COG6: variants seen among roughly 807,000 people sequenced by gnomAD.
COG6 encodes the protein component of oligomeric golgi complex 6, also known as conserved oligomeric Golgi complex subunit 6.
Under a neutral mutation model 88.8 loss-of-function variants are expected in COG6, and 74 were observed. The ratio of observed to expected loss-of-function variants is 0.83; its 90% confidence interval spans 0.69 to 1.01. The LOEUF (loss-of-function observed/expected upper bound fraction) is 1.01. COG6 is among the 50% of genes least tolerant of loss of function. The pLI is 0.00. For synonymous variants in COG6, 286 were observed against 278.7 expected (o/e 1.03, Z -0.26); for missense variants, 800 against 797.9 (o/e 1.00, Z -0.03).
chr13:39,751,580 A>C lies in COG6; in HGVS notation c.*487A>C. 7.8e-7 allele frequency: 1 copy of C among 1,287,214 alleles called. No homozygotes were observed. Among genetic ancestry groups the C allele is most frequent in the Non-Finnish European group, 1.0e-6 (1 of 988,712 alleles). The allele number at this position is 1,287,214 out of a possible 1,614,324, so 79.7% of individuals were successfully genotyped here. A position where few individuals can be genotyped will look rare whatever the true frequency, so the allele number is the denominator to read the frequency against. ...AACCTAGCCTATGTCTCTGTCCCCA[A>C]AATAGCTGCCCTTAAAGAGTTGTTA... On this transcript the variant is annotated 3_prime_UTR_variant, in exon 19 of 19. Transcript: ENST00000455146.
At chr13:39,656,316 A>G in intron 1 of COG6, 5 of 384,038 alleles carry the variant, frequency 1.3e-5, no homozygotes, top group Middle Eastern at 4.5e-4. Flanking sequence ...GAGCAGTGGT[A>G]GGGATAAGGG....
chr13:39,684,243 A>ATTTT lies in COG6; in HGVS notation c.788+2001_788+2004dup, dbSNP rs1203671335. Among the ~76,000 whole-genome samples the ATTTT allele has an allele frequency of 1.1e-3, 73 of 67,378 alleles. 8 individuals carry two copies. The highest frequency in any genetic ancestry group is 2.3e-3 in the African/African-American group (34 of 14,944). The allele number at this position is 67,378 out of a possible 152,430, so 44.2% of individuals were successfully genotyped here. A position where few individuals can be genotyped will look rare whatever the true frequency, so the allele number is the denominator to read the frequency against. On this transcript the variant is annotated intron_variant, in intron 8 of 18. Coordinates refer to ENST00000455146, the MANE Select transcript of COG6 (RefSeq NM_020751.3). Reference sequence around the variant, plus strand: ...GGGGGCAGTAATGGCAATTTGGAAGATTTTTTTTTTTTTTTTTTTTTTTTT... The same window carrying ATTTT: ...GGGGGCAGTAATGGCAATTTGGAAGATTTTTTTTTTTTTTTTTTTTTTTTTTTTT...
At position 39,677,490 on chromosome 13, in the gene COG6, C is replaced by G. The variant is rs1876041098; in HGVS notation, c.451C>G (p.Gln151Glu). ...SESQKLEIRA[Q>E]VADAFLSKFQ... Reference sequence around the variant, plus strand: ...CAGCCAAAAATTAGAGATAAGAGCTCAAGTTGCAGATGCCTTCTTATCCAA... The same window carrying G: ...CAGCCAAAAATTAGAGATAAGAGCTGAAGTTGCAGATGCCTTCTTATCCAA... Residue 151 changes from glutamine to glutamate, a missense_variant, in exon 5 of 19, where the codon CAA becomes GAA. Coordinates refer to ENST00000455146, the MANE Select transcript of COG6 (RefSeq NM_020751.3). 1.2e-6 allele frequency: 2 copies of G among 1,611,684 alleles called. No homozygotes were observed. The highest frequency in any genetic ancestry group is 2.2e-5 in the East Asian group (1 of 44,804).
rs1230482454 is a variant in COG6 at position 39,762,182 on chromosome 13, A to AT, written c.1827-26152dup. 2.6e-5 allele frequency among the ~76,000 whole-genome samples: 4 copies of AT among 152,006 alleles called. 1 individual carries two copies. Among genetic ancestry groups the AT allele is most frequent in the African/African-American group, 9.7e-5 (4 of 41,440 alleles). ...ATACGCAGTGGAATACTATTTAGCC[A>AT]TAAAAAATAACAAAATTATCTCATT... On this transcript the variant is annotated intron_variant, in intron 18 of 18. Transcript: ENST00000416691.
At chr13:39,790,815 T>C (rs1881918113) in exon 19 of COG6, 1 of 152,104 alleles carries the variant, frequency 6.6e-6, no homozygotes, top group African/African-American at 2.4e-5. Flanking sequence ...TCTAGATACT[T>C]TTTGTTAATA....
intron 18 of COG6, among the ~76,000 whole-genome samples, chr13:39,744,434 A>C (rs1017006260): frequency 6.6e-6 from 1 of 152,228 alleles, no homozygotes; most frequent in African/African-American, 2.4e-5. Context: ...ATGTGCAAAA[A>C]TCACAAGCAT....
intron 18 of COG6, among the ~76,000 whole-genome samples, chr13:39,739,476 T>C (rs1188743686): frequency 1.3e-5 from 2 of 152,128 alleles, no homozygotes; most frequent in Admixed American, 1.3e-4. Flanking sequence ...AAATGTTTTA[T>C]ATTGATAAAA....
chr13:39,775,770 A>AT (rs200096309), intron 18 of COG6, among the ~76,000 whole-genome samples: 2,205 of 145,174 alleles, frequency 0.015, 23 homozygotes, highest in African/African-American at 0.021. Flanking sequence ...TACATCTGAA[A>AT]TTTTTTTTTT....
chr13:39,663,066 G>A (rs1014788906), intron 3 of COG6, among the ~76,000 whole-genome samples: 4 of 143,674 alleles, frequency 2.8e-5, no homozygotes, highest in Non-Finnish European at 6.1e-5. Flanking sequence ...TTCCTTTGTG[G>A]TTTTCCTTGC....
intron 18 of COG6, among the ~76,000 whole-genome samples, chr13:39,738,810 A>G (rs1343651821): frequency 6.6e-6 from 1 of 152,182 alleles, no homozygotes; most frequent in Non-Finnish European, 1.5e-5. Flanking sequence ...GTGACATTTT[A>G]TAATAGGATT....
chr13:39,731,167 T>C lies in COG6; in HGVS notation c.1826+3619T>C, dbSNP rs1879427267. 2.6e-5 allele frequency among the ~76,000 whole-genome samples: 4 copies of C among 152,280 alleles called. No individual in the cohort carries two copies. In the South Asian group the frequency reaches 6.2e-4, roughly 24 times the overall value. ...GCTCCTACTATCTGTTTTTGGTTTT[T>C]TCCTGTTCTCTTCTCCTGAACTTTA... On this transcript the variant is annotated intron_variant, in intron 18 of 18. Coordinates refer to ENST00000455146, the MANE Select transcript of COG6 (RefSeq NM_020751.3).
At chr13:39,708,921 G>C (rs78370977) in intron 13 of COG6, among the ~76,000 whole-genome samples, 9,119 of 152,098 alleles carry the variant, frequency 0.06, 378 homozygotes, top group Non-Finnish European at 0.094. Context: ...TGCAGGTATA[G>C]CCTTTCTTAA....
chr13:39,736,689 T>C (rs992609555), intron 18 of COG6, among the ~76,000 whole-genome samples: 6 of 152,128 alleles, frequency 3.9e-5, no homozygotes, highest in African/African-American at 1.4e-4. Flanking sequence ...AAAACTCCAT[T>C]TCAAAAAAAC....
chr13:39,786,406 C>T (rs979725780), intron 18 of COG6, among the ~76,000 whole-genome samples: 3 of 152,090 alleles, frequency 2.0e-5, no homozygotes, highest in African/African-American at 7.2e-5. Flanking sequence ...CGGACAAGGG[C>T]ATGTGGTTCT....
At chr13:39,744,195 A>G (rs1305686879) in intron 18 of COG6, among the ~76,000 whole-genome samples, 1 of 152,226 alleles carries the variant, frequency 6.6e-6, no homozygotes, top group African/African-American at 2.4e-5. Flanking sequence ...AACTGGCACA[A>G]GACAGGGATG....
intron 1 of COG6, 137 bp from the exon 2 acceptor site, chr13:39,659,227 T>G: frequency 1.3e-6 from 1 of 772,206 alleles, no homozygotes; most frequent in East Asian, 2.7e-5. Context: ...CTTCAGTAAT[T>G]TGAAGGTCAT....
At chr13:39,731,276 T>C (rs1391196131) in intron 18 of COG6, among the ~76,000 whole-genome samples, 1 of 152,216 alleles carries the variant, frequency 6.6e-6, no homozygotes, top group Non-Finnish European at 1.5e-5. Flanking sequence ...TGACTGACTT[T>C]CAAAGGAGAT....
chr13:39,788,581 C>G (rs576117384), exon 19 of COG6: 2 of 559,902 alleles, frequency 3.6e-6, no homozygotes, highest in Non-Finnish European at 6.4e-6. Flanking sequence ...GATCATAATA[C>G]GCACACACAC....
At chr13:39,661,890 G>A (rs879300406) in intron 3 of COG6, among the ~76,000 whole-genome samples, 13 of 151,336 alleles carry the variant, frequency 8.6e-5, no homozygotes, top group African/African-American at 1.2e-4. Flanking sequence ...TACTTTATAA[G>A]GTTTTCTATA....
Sources: allele counts gnomAD v4.1 joint callset (sites outside exome capture counted in the v4.1 genomes callset), GRCh38; gene constraint gnomAD v4.1.1; transcripts MANE v1.5; gene names NCBI Gene and HGNC (gene_info 2026-07-23, HGNC 2026-07-21).